HR: variants seen among roughly 807,000 people sequenced by gnomAD.
HR encodes HR lysine demethylase and nuclear receptor corepressor.
Under a neutral mutation model 128.6 loss-of-function variants are expected in HR, and 83 were observed. The ratio of observed to expected loss-of-function variants is 0.65; its 90% confidence interval spans 0.54 to 0.77. HR has a LOEUF of 0.77. HR is among the 30% of genes least tolerant of loss of function. The probability of loss-of-function intolerance (pLI) is 0.00; values close to 1 mark genes in which losing one functional copy is unlikely to be tolerated. For synonymous variants in HR, 681 were observed against 658.2 expected (o/e 1.03, Z -0.53); for missense variants, 1,490 against 1,574.6 (o/e 0.95, Z 0.91).
intron 6 of HR, 79 bp from the exon 7 acceptor site, chr8:22,122,958 GATACCTAAACCAGGGGACTCA>G: frequency 7.3e-7 from 1 of 1,360,798 alleles, no homozygotes; most frequent in Non-Finnish European, 1.0e-6. Flanking sequence ...GTCAGGACAT[GATACCTAAACCAGGGGACTCA>G]ATAGTCCACA....
rs749660674 is a variant in HR at position 22,128,850 on chromosome 8, C to A, written c.321G>T (p.Pro107=). 1 of 1,613,294 alleles carries A rather than the reference C, an allele frequency of 6.2e-7. No individual in the cohort carries two copies. The highest frequency in any genetic ancestry group is 8.5e-7 in the Non-Finnish European group (1 of 1,180,018). ...GGCACGCTGGCCCGCAGAATGCCAG[C>A]GGATGGGTAAGCATGGCCTCCTTCC... The part of the protein sequence containing the change: ...LRWKEAMLTH[P]LAFCGPACPP... Residue 107 remains proline, a synonymous_variant, in exon 2 of 19, where the codon CCG becomes CCT. Transcript: ENST00000381418.
chr8:22,119,996 A>T (rs1331420185), intron 13 of HR, 106 bp from the exon 14 acceptor site: 11 of 1,588,538 alleles, frequency 6.9e-6, no homozygotes, highest in Non-Finnish European at 9.4e-6. Context: ...ACATGAGAGT[A>T]CCAGGGACCA....
rs1293384544 is a variant in HR, at chr8:22,119,806, C to G, written c.2931G>C (p.Pro977=). 5 of 1,613,626 alleles carry G rather than the reference C, an allele frequency of 3.1e-6. No homozygotes were observed. Among genetic ancestry groups the G allele is most frequent in the Non-Finnish European group, 4.2e-6 (5 of 1,179,902 alleles). Reference sequence around the variant, plus strand: ...GCTCCAGTGGACGCAGGGCAAGGCCCGGTGGGAGGTAGGAAGCCAGGTTGA... The same window carrying G: ...GCTCCAGTGGACGCAGGGCAAGGCCGGGTGGGAGGTAGGAAGCCAGGTTGA... ...GKLNLASYLP[P]GLALRPLEPQ... Residue 977 remains proline (P), a synonymous_variant, in exon 14 of 19, where the codon CCG becomes CCC. Transcript: ENST00000381418.
Position 22,115,424 on chromosome 8 carries a change from G to A in HR, c.*276C>T. ...GGGTCTCGGAGGAGTGGGGATTGGA[G>A]GAAGTCAATTGCCCCCAGTGCGGGC... On this transcript the variant is annotated 3_prime_UTR_variant, in exon 19 of 19. Transcript: ENST00000381418. 3.5e-6 allele frequency: 2 copies of A among 567,144 alleles called. No individual in the cohort carries two copies. Among genetic ancestry groups the A allele is most frequent in the South Asian group, 2.1e-5 (1 of 48,354 alleles). 35.1% of individuals were successfully genotyped at this position (567,144 alleles called of 1,614,324 possible).
chr8:22,128,999 C>T lies in HR; in HGVS notation c.172G>A (p.Asp58Asn). The T allele has an allele frequency of 1.2e-6, 2 of 1,612,854 alleles. No individual in the cohort carries two copies. Among genetic ancestry groups the T allele is most frequent in the Non-Finnish European group, 1.7e-6 (2 of 1,179,724 alleles). Residue 58 changes from aspartate to asparagine, a missense_variant, in exon 2 of 19, where the codon GAC becomes AAC. Physicochemically the swap from Asp to Asn is conservative, Grantham distance 23. Coordinates refer to ENST00000381418, the MANE Select transcript of HR (RefSeq NM_005144.5). ...PFWRGVLSTP[D>N]SWLPPGFPQG... ...GGGAAGCCAGGGGGAAGCCAGGAGT[C>T]TGGGGTGCTCAGGACGCCCCTCCAA...
Position 22,120,970 on chromosome 8 carries a change from G to C in HR, c.2368-12C>G. The C allele has an allele frequency of 6.2e-7, 1 of 1,604,952 alleles. No homozygotes were observed. Among genetic ancestry groups the C allele is most frequent in the South Asian group, 1.1e-5 (1 of 90,388 alleles). On this transcript the variant is annotated splice_polypyrimidine_tract_variant and intron_variant, in intron 10 of 18. Transcript: ENST00000381418. ...GTGATGCGGTCATCCTGCAGAGAGG[G>C]GCACAGGGGCTTAGGACCCACTGGG...
chr8:22,129,106 C>A lies in HR; in HGVS notation c.65G>T (p.Gly22Val). The A allele has an allele frequency of 6.4e-7, 1 of 1,570,334 alleles. No individual in the cohort carries two copies. The highest frequency in any genetic ancestry group is 8.6e-7 in the Non-Finnish European group (1 of 1,160,590). The change falls in exon 2 of 19, where the codon GGC becomes GTC. Residue 22 changes from glycine (G) to valine (V), a missense_variant. Around this residue, in one of 3 missense-constraint regions of HR, gnomAD observed 1,060 missense variants for 1,060.9 expected, o/e 1.00. Coordinates refer to ENST00000381418, the MANE Select transcript of HR (RefSeq NM_005144.5). ...GCTGCCGGGCTCCTGTCTCACGATGCCGTTCTCTGGGGCCGTCTTCTCCCA... is the reference window on the plus strand; with the variant it reads ...GCTGCCGGGCTCCTGTCTCACGATGACGTTCTCTGGGGCCGTCTTCTCCCA... ...PTWEKTAPEN[G>V]IVRQEPGSPP...
chr8:22,122,652 T>G (rs776066419), intron 7 of HR, 44 bp from the exon 8 acceptor site: 1 of 1,531,126 alleles, frequency 6.5e-7, no homozygotes, highest in Non-Finnish European at 8.9e-7. Context: ...GTGGTGAGTG[T>G]AGACCAACAG....
intron 6 of HR, 29 bp downstream of exon 6, chr8:22,123,620 C>CTGGG: frequency 4.4e-5 from 13 of 293,742 alleles, no homozygotes; most frequent in Non-Finnish European, 5.3e-5. Flanking sequence ...GGCTCCATCC[C>CTGGG]GCCCTCCCAC....
rs146503404 is a variant in HR, at chr8:22,128,830, G to T, written c.341C>A (p.Ala114Glu). 1.2e-6 allele frequency: 2 copies of T among 1,613,330 alleles called. No individual in the cohort carries two copies. The highest frequency in any genetic ancestry group is 2.2e-5 in the South Asian group (2 of 91,062). Residue 114 changes from alanine (A) to glutamate (E), a missense_variant, in exon 2 of 19, where the codon GCG becomes GAG. Coordinates refer to ENST00000381418, the MANE Select transcript of HR (RefSeq NM_005144.5). ...LTHPLAFCGPACPPRCGPLMP... is the reference protein window; with the variant it reads ...LTHPLAFCGPECPPRCGPLMP... ...CAGGGGGCCACAGCGAGGTGGGCAC[G>T]CTGGCCCGCAGAATGCCAGCGGATG...
intron 1 of HR, among the ~76,000 whole-genome samples, chr8:22,129,439 C>T (rs1316628570): frequency 6.6e-6 from 1 of 152,256 alleles, no homozygotes; most frequent in East Asian, 1.9e-4. Flanking sequence ...GGGCCAGTGC[C>T]CCTCAGCGGA....
In HR at chr8:22,127,087, G is replaced by C. The variant is rs1826911468; in HGVS notation, c.1355C>G (p.Thr452Arg). Residue 452 changes from threonine (T) to arginine (R), a missense_variant, in exon 3 of 19, where the codon ACA becomes AGA. Thr to Arg is a moderately conservative substitution (Grantham distance 71, BLOSUM62 -1). This residue lies in a region of HR where 1,060 missense variants were observed against 1,060.9 expected (regional missense o/e 1.00). Coordinates refer to ENST00000381418, the MANE Select transcript of HR (RefSeq NM_005144.5). ...GTCCACATCCTTGTTCCCTATCGAT[G>C]TGTCCCGCACCTCCTGCCAACCCCC... ...GAGGWQEVRD[T>R]SIGNKDVDSG... 1 of 1,611,800 alleles carries C rather than the reference G, an allele frequency of 6.2e-7. No individual in the cohort carries two copies. The highest frequency in any genetic ancestry group is 1.1e-5 in the South Asian group (1 of 90,950).
At position 22,127,854 on chromosome 8, in the gene HR, C is replaced by T. The variant is rs199996796; in HGVS notation, c.613-25G>A. 1.2e-5 allele frequency: 19 copies of T among 1,596,770 alleles called. No individual in the cohort carries two copies. In the East Asian group the frequency reaches 3.1e-4, roughly 26 times the overall value. ...CCTAAAGAGGGGAGAAAGTGTTACG[C>T]TTCAGCTGACTTGGGCTCCCCATGC... On this transcript the variant is annotated intron_variant, in intron 2 of 18. Transcript: ENST00000381418.
At chr8:22,123,550 G>T in intron 6 of HR, 99 bp downstream of exon 6, 1 of 1,208,124 alleles carries the variant, frequency 8.3e-7, no homozygotes, top group Non-Finnish European at 1.2e-6. Context: ...CAGTGGGTAG[G>T]GGGCTTTTTG....
intron 16 of HR, chr8:22,118,749 C>G: frequency 1.7e-6 from 1 of 602,424 alleles, no homozygotes; most frequent in Non-Finnish European, 3.0e-6. Flanking sequence ...TGCCGCAGCC[C>G]CTGCCCCTTC....
At chr8:22,128,318 C>G (rs1236122452) in intron 2 of HR, 10 of 610,312 alleles carry the variant, frequency 1.6e-5, no homozygotes, top group African/African-American at 3.7e-5. Flanking sequence ...TTATCCTAGG[C>G]AGACAATGGG....
Position 22,129,031 on chromosome 8 carries a change from G to T in HR, c.140C>A (p.Ala47Asp), listed in dbSNP as rs759321060. The T allele has an allele frequency of 1.9e-6, 3 of 1,607,978 alleles. No individual in the cohort carries two copies. The highest frequency in any genetic ancestry group is 2.2e-5 in the South Asian group (2 of 90,572). Reference sequence around the variant, plus strand: ...GCTCAGGACGCCCCTCCAAAAGGGAGCAGGCTCTCCCAGGCACAGCGGCCC... The same window carrying T: ...GCTCAGGACGCCCCTCCAAAAGGGATCAGGCTCTCCCAGGCACAGCGGCCC... ...HHGPLCLGEP[A>D]PFWRGVLSTP... The change falls in exon 2 of 19, where the codon GCT (alanine) becomes GAT (aspartate). Residue 47 changes from alanine to aspartate, a missense_variant. By Grantham distance (126) the Ala-to-Asp change is moderately radical (BLOSUM62 -2). Around this residue, in one of 3 missense-constraint regions of HR, gnomAD observed 1,060 missense variants for 1,060.9 expected, o/e 1.00. Coordinates refer to ENST00000381418, the MANE Select transcript of HR (RefSeq NM_005144.5).
chr8:22,128,446 C>T (rs1318564572), intron 2 of HR, 113 bp downstream of exon 2: 1 of 1,437,522 alleles, frequency 7.0e-7, no homozygotes, highest in South Asian at 1.2e-5. Flanking sequence ...CTGATAGACC[C>T]CTCTACCTCG....
rs548704601 is a variant in HR, at chr8:22,123,818, T to C, written c.1751-5A>G. The C allele has an allele frequency of 8.7e-5, 139 of 1,595,730 alleles. 1 individual carries two copies. In the South Asian group the frequency reaches 1.5e-3, roughly 17 times the overall value. On this transcript the variant is annotated splice_polypyrimidine_tract_variant and splice_region_variant and intron_variant, in intron 5 of 18. Coordinates refer to ENST00000381418, the MANE Select transcript of HR (RefSeq NM_005144.5). ...CTGTCACGGCTGGCCCTTGGCCTGC[T>C]GACCACGGAGAGAACAGGGTCAGAG...
Sources: gnomAD v4.1 joint callset for allele counts (sites outside exome capture counted in the v4.1 genomes callset) on GRCh38, gnomAD v4.1.1 for gene constraint, gnomAD v4.1.1 regional missense constraint, MANE v1.5 for transcripts, NCBI Gene and HGNC (gene_info 2026-07-23, HGNC 2026-07-21) for gene names.